Variants in RFX7 observed in about 807,000 individuals in gnomAD.
RFX7 encodes the protein regulatory factor X7.
A neutral mutation model predicts 111.8 loss-of-function variants in RFX7; 26 were observed. That is an observed-to-expected ratio of 0.23 (90% CI 0.17 to 0.32). The LOEUF is 0.32. Ranked by LOEUF, RFX7 falls within the 10% of genes least tolerant of loss-of-function variation. The pLI, the probability that RFX7 is intolerant of heterozygous loss-of-function variation, is 1.00. For synonymous variants in RFX7, 624 were observed against 624.4 expected (o/e 1.00, Z 0.01); for missense variants, 1,573 against 1,772.9 (o/e 0.89, Z 2.02).
chr15:56,119,121 T>C (rs1208722505), intron 5 of RFX7, among the ~76,000 whole-genome samples: 1 of 152,198 alleles, frequency 6.6e-6, no homozygotes, highest in Non-Finnish European at 1.5e-5. Context: ...TTGCAAATAA[T>C]TTCTCCCATT....
chr15:56,138,573 T>G (rs1178058455), intron 5 of RFX7, among the ~76,000 whole-genome samples: 74 of 151,786 alleles, frequency 4.9e-4, no homozygotes, highest in Non-Finnish European at 7.1e-4. Flanking sequence ...TTATCCAATT[T>G]GCCAGTCTGT....
intron 2 of RFX7, among the ~76,000 whole-genome samples, chr15:56,190,364 G>T (rs1443179095): frequency 1.3e-5 from 2 of 152,154 alleles, no homozygotes; most frequent in African/African-American, 2.4e-5. Context: ...TAGGCTGAAG[G>T]AAATATCACT....
chr15:56,210,954 C>A (rs2141197075), intron 2 of RFX7, among the ~76,000 whole-genome samples: 1 of 152,154 alleles, frequency 6.6e-6, no homozygotes, highest in South Asian at 2.1e-4. Context: ...GACGGGACAT[C>A]ACTACAGATC....
At chr15:56,202,644 A>T (rs192538229) in intron 2 of RFX7, among the ~76,000 whole-genome samples, 1 of 151,698 alleles carries the variant, frequency 6.6e-6, no homozygotes, top group South Asian at 2.1e-4. Flanking sequence ...CCTCTACAAA[A>T]AAAATAAAAT....
chr15:56,132,497 A>G (rs948937655), intron 5 of RFX7, among the ~76,000 whole-genome samples: 29 of 152,072 alleles, frequency 1.9e-4, no homozygotes, highest in African/African-American at 6.5e-4. Context: ...CATTTAGAAA[A>G]AATTAAAATA....
chr15:56,098,005 T>G, intron 9 of RFX7, 76 bp downstream of exon 9: 6 of 1,400,798 alleles, frequency 4.3e-6, no homozygotes, highest in Non-Finnish European at 5.9e-6. Context: ...CCTGCCTTCT[T>G]TTCATCTGCC....
In RFX7 at chr15:56,093,977, T is replaced by C. The variant is rs770181338; in HGVS notation, c.3751A>G (p.Asn1251Asp). The change falls in exon 10 of 10, where the codon AAT becomes GAT. Residue 1251 changes from asparagine (N) to aspartate (D), a missense_variant. Around this residue, in one of 7 missense-constraint regions of RFX7, gnomAD observed 411 missense variants for 478.1 expected, o/e 0.86. Coordinates refer to ENST00000559447, the MANE Select transcript of RFX7 (RefSeq NM_022841.7). ...GAATCAAGTTTACTCAACAAAACAT[T>C]GGTTATTTTTTTACTGTTTGCTTGC... is the stretch of plus-strand genomic sequence containing the variant. ...QKQANSKKIT[N>D]VLLSKLDSDN... 8.1e-6 allele frequency: 13 copies of C among 1,613,814 alleles called. No individual in the cohort carries two copies. Among genetic ancestry groups the C allele is most frequent in the African/African-American group, 1.3e-5 (1 of 74,914 alleles).
intron 2 of RFX7, among the ~76,000 whole-genome samples, chr15:56,199,591 A>G (rs1406627338): frequency 6.6e-6 from 1 of 152,176 alleles, no homozygotes; most frequent in Non-Finnish European, 1.5e-5. Context: ...TATGTCAAAT[A>G]ACAGGAAAGC....
At chr15:56,101,209 C>A in intron 8 of RFX7, 150 bp downstream of exon 8, 1 of 631,378 alleles carries the variant, frequency 1.6e-6, no homozygotes, top group Non-Finnish European at 2.8e-6. Flanking sequence ...GCTCAACAGA[C>A]CCATCTGAAT....
chr15:56,145,106 T>C (rs1234752381), intron 3 of RFX7, among the ~76,000 whole-genome samples: 1 of 152,192 alleles, frequency 6.6e-6, no homozygotes, highest in Admixed American at 6.5e-5. Flanking sequence ...ACTTGTAAGA[T>C]TTTCTGTTGC....
chr15:56,146,781 C>T (rs1022666548), intron 3 of RFX7, among the ~76,000 whole-genome samples: 1 of 151,968 alleles, frequency 6.6e-6, no homozygotes, highest in African/African-American at 2.4e-5. Flanking sequence ...TTTTCATTGC[C>T]ATATGGGGTA....
chr15:56,093,302 A>C lies in RFX7; in HGVS notation c.*43T>G, dbSNP rs377589551. On this transcript the variant is annotated 3_prime_UTR_variant, in exon 10 of 10. Coordinates refer to ENST00000559447, the MANE Select transcript of RFX7 (RefSeq NM_022841.7). ...ACTTCCATTAAGACAAATACAATAC[A>C]TATGTCTTTAGATACAGTGTGCTAC... 1 of 1,491,352 alleles carries C rather than the reference A, an allele frequency of 6.7e-7. No homozygotes were observed. The highest frequency in any genetic ancestry group is 2.0e-5 in the Admixed American group (1 of 50,470). The allele number at this position is 1,491,352 out of a possible 1,614,324, so 92.4% of individuals were successfully genotyped here. A position where few individuals can be genotyped will look rare whatever the true frequency, so the allele number is the denominator to read the frequency against.
At chr15:56,144,175 T>C (rs2042438162) in intron 4 of RFX7, among the ~76,000 whole-genome samples, 1 of 152,156 alleles carries the variant, frequency 6.6e-6, no homozygotes, top group Non-Finnish European at 1.5e-5. Context: ...CCAAATTGCA[T>C]GTCATAGCAT....
chr15:56,096,582 T>G lies in RFX7; in HGVS notation c.1146A>C (p.Pro382=), dbSNP rs190201184. 5 of 1,594,356 alleles carry G rather than the reference T, an allele frequency of 3.1e-6. No individual in the cohort carries two copies. The Admixed American group carries it at 8.8e-5, about 28-fold the overall frequency. Reference sequence around the variant, plus strand: ...GAACTTTGCCGTCAGAAGAACTCATTGGACTCGGTGAAGTTACCAATTGCC... The same window carrying G: ...GAACTTTGCCGTCAGAAGAACTCATGGGACTCGGTGAAGTTACCAATTGCC... The part of the protein sequence containing the change: ...RTRQLVTSPS[P]MSSSDGKVLP... Residue 382 remains proline (P), a synonymous_variant, in exon 10 of 10, where the codon CCA becomes CCC. Coordinates refer to ENST00000559447, the MANE Select transcript of RFX7 (RefSeq NM_022841.7).
At chr15:56,187,671 G>A (rs1205965805) in intron 2 of RFX7, among the ~76,000 whole-genome samples, 1 of 152,142 alleles carries the variant, frequency 6.6e-6, no homozygotes, top group Non-Finnish European at 1.5e-5. Context: ...TATGAACTAC[G>A]CCCAGTATTT....
intron 5 of RFX7, among the ~76,000 whole-genome samples, chr15:56,112,841 G>T (rs879157620): frequency 6.6e-6 from 1 of 152,068 alleles, no homozygotes; most frequent in African/African-American, 2.4e-5. Context: ...AGTGGGCAAA[G>T]GACATAAACA....
intron 2 of RFX7, among the ~76,000 whole-genome samples, chr15:56,219,589 C>G (rs1292078374): frequency 6.6e-6 from 1 of 152,138 alleles, no homozygotes; most frequent in Non-Finnish European, 1.5e-5. Context: ...ATGTTTAGCT[C>G]CCACTTATGA....
At chr15:56,203,188 G>GT in intron 2 of RFX7, among the ~76,000 whole-genome samples, 1 of 152,166 alleles carries the variant, frequency 6.6e-6, no homozygotes, top group East Asian at 1.9e-4. Flanking sequence ...ATCTGAAAAC[G>GT]TGAGAAGCCA....
At chr15:56,203,129 G>A (rs2043211032) in intron 2 of RFX7, among the ~76,000 whole-genome samples, 1 of 152,138 alleles carries the variant, frequency 6.6e-6, no homozygotes, top group Non-Finnish European at 1.5e-5. Flanking sequence ...CAGTCAGTAA[G>A]GGATTATAAT....
Sources: gnomAD v4.1 joint callset for allele counts (sites outside exome capture counted in the v4.1 genomes callset) on GRCh38, gnomAD v4.1.1 for gene constraint, gnomAD v4.1.1 regional missense constraint, MANE v1.5 for transcripts, NCBI Gene and HGNC (gene_info 2026-07-23, HGNC 2026-07-21) for gene names.